SARM1: variants seen among roughly 807,000 people sequenced by gnomAD.
SARM1 encodes NAD(+) hydrolase SARM1.
SARM1 carries 60 observed loss-of-function variants against 65.1 expected under a neutral mutation model. The observed-to-expected ratio is 0.92, with a 90% confidence interval of 0.75 to 1.14. SARM1 has a LOEUF of 1.14. Among genes scored for constraint, SARM1 ranks in the 50% most tolerant of loss-of-function variants. The probability of loss-of-function intolerance (pLI) is 0.00; values close to 1 mark genes in which losing one functional copy is unlikely to be tolerated. For missense variants in SARM1, 913 were observed against 1,015.7 expected (o/e 0.90, Z 1.37); for synonymous variants, 417 against 465.4 (o/e 0.90, Z 1.34).
chr17:28,377,142 C>T (rs1308268523), intron 1 of SARM1, among the ~76,000 whole-genome samples: 2 of 152,170 alleles, frequency 1.3e-5, no homozygotes, highest in African/African-American at 4.8e-5. Context: ...GGCATTTATG[C>T]AGTCAGATGT....
At chr17:28,383,796 G>GGTGTGGGCCAGGAT (rs1443502111) in intron 2 of SARM1, among the ~76,000 whole-genome samples, 1 of 152,214 alleles carries the variant, frequency 6.6e-6, no homozygotes, top group Non-Finnish European at 1.5e-5. Context: ...CCTCATTGGA[G>GGTGTGGGCCAGGAT]GTGTGGGCCA....
intron 1 of SARM1, among the ~76,000 whole-genome samples, chr17:28,376,109 G>T (rs1295235259): frequency 6.6e-6 from 1 of 152,162 alleles, no homozygotes; most frequent in African/African-American, 2.4e-5. Context: ...TATCACAAGA[G>T]TGCAGCACAG....
chr17:28,388,142 A>G, intron 5 of SARM1, 32 bp from the exon 6 acceptor site: 1 of 1,448,478 alleles, frequency 6.9e-7, no homozygotes, highest in Non-Finnish European at 9.5e-7. Flanking sequence ...CGGAGGGGCC[A>G]CCTTCACCAT....
Position 28,400,213 on chromosome 17 carries a change from T to C in SARM1, c.*3927T>C, listed in dbSNP as rs2068179002. 1.9e-5 allele frequency: 5 copies of C among 256,964 alleles called. No homozygotes were observed. In the South Asian group the frequency reaches 2.1e-4, roughly 11 times the overall value. The allele number at this position is 256,964 out of a possible 1,614,324, so 15.9% of individuals were successfully genotyped here. A position where few individuals can be genotyped will look rare whatever the true frequency, so the allele number is the denominator to read the frequency against. On this transcript the variant is annotated 3_prime_UTR_variant, in exon 9 of 9. Transcript: ENST00000585482. Reference sequence around the variant, plus strand: ...CCCGGCCATGAAATATAATTCTTAATATCATACAGGAAAAAGTCAGCGGGT... The same window carrying C: ...CCCGGCCATGAAATATAATTCTTAACATCATACAGGAAAAAGTCAGCGGGT...
At chr17:28,380,057 C>CTTTTTTTTTTTTTTTTTTTTTTCT (rs61029083) in intron 1 of SARM1, among the ~76,000 whole-genome samples, 1 of 106,100 alleles carries the variant, frequency 9.4e-6, no homozygotes, top group Non-Finnish European at 1.8e-5. Context: ...TTTTTCTTTT[C>CTTTTTTTTTTTTTTTTTTTTTTCT]TTTTTTTTTT....
At position 28,403,363 on chromosome 17, in the gene SARM1, G is replaced by A. The variant is rs187454303; in HGVS notation, c.*7077G>A. The A allele has an allele frequency of 2.6e-5, 4 of 152,476 alleles. No homozygotes were observed. Among genetic ancestry groups the A allele is most frequent in the African/African-American group, 9.6e-5 (4 of 41,528 alleles). The allele number at this position is 152,476 out of a possible 1,614,324, so 9.4% of individuals were successfully genotyped here. On this transcript the variant is annotated 3_prime_UTR_variant, in exon 9 of 9. Coordinates refer to ENST00000585482, the MANE Select transcript of SARM1 (RefSeq NM_015077.4). ...TTCCCTTTGCATTCAGTTACTTACAGGCTTCCTGTTTTCTTCATAACCATT... is the reference window on the plus strand; with the variant it reads ...TTCCCTTTGCATTCAGTTACTTACAAGCTTCCTGTTTTCTTCATAACCATT...
rs1400972557 is a variant in SARM1 at position 28,402,042 on chromosome 17, C to T, written c.*5756C>T. 9.5e-6 allele frequency: 5 copies of T among 524,130 alleles called. No individual in the cohort carries two copies. Among genetic ancestry groups the T allele is most frequent in the Middle Eastern group, 5.3e-4 (1 of 1,902 alleles). 32.5% of individuals were successfully genotyped at this position (524,130 alleles called of 1,614,324 possible). A position where few individuals can be genotyped will look rare whatever the true frequency, so the allele number is the denominator to read the frequency against. Reference sequence around the variant, plus strand: ...CTGCTGACTGCAAATCCCAACTCTGCGGTTTGAAAATCCAAGGTGGCATGA... The same window carrying T: ...CTGCTGACTGCAAATCCCAACTCTGTGGTTTGAAAATCCAAGGTGGCATGA... On this transcript the variant is annotated 3_prime_UTR_variant, in exon 9 of 9. Transcript: ENST00000585482.
At chr17:28,393,537 G>C (rs1290379472) in intron 7 of SARM1, among the ~76,000 whole-genome samples, 2 of 151,364 alleles carry the variant, frequency 1.3e-5, no homozygotes, top group Admixed American at 1.3e-4. Context: ...GGCAAAAAGT[G>C]AGATCCTGTT....
Position 28,399,881 on chromosome 17 carries a change from T to A in SARM1, c.*3595T>A. The stretch of plus-strand genomic sequence containing the variant: ...AGCTGGAGGACAATATCCAGGGACA[T>A]GGCTCTGGAAAATAACTTTTTTTTT... On this transcript the variant is annotated 3_prime_UTR_variant, in exon 9 of 9. Coordinates refer to ENST00000585482, the MANE Select transcript of SARM1 (RefSeq NM_015077.4). 1 of 675,566 alleles carries A rather than the reference T, an allele frequency of 1.5e-6. No homozygotes were observed. The allele number at this position is 675,566 out of a possible 1,614,324, so 41.8% of individuals were successfully genotyped here.
At position 28,379,291 on chromosome 17, in the gene SARM1, A is replaced by G. The variant is rs549011320; in HGVS notation, c.471-1912A>G. Reference sequence around the variant, plus strand: ...ACTCTAGGAAAGGGTAATTTTCTCCATTTAGATCTTTTTTTTTTTTTTTTT... The same window carrying G: ...ACTCTAGGAAAGGGTAATTTTCTCCGTTTAGATCTTTTTTTTTTTTTTTTT... On this transcript the variant is annotated intron_variant, in intron 1 of 8. Transcript: ENST00000585482. Among the ~76,000 whole-genome samples the G allele has an allele frequency of 1.4e-4, 18 of 132,222 alleles. No homozygotes were observed. In the East Asian group the frequency reaches 2.5e-3, roughly 18 times the overall value. The allele number at this position is 132,222 out of a possible 152,430, so 86.7% of individuals were successfully genotyped here.
Position 28,384,737 on chromosome 17 carries a change from C to A in SARM1, c.1303-102C>A, listed in dbSNP as rs1459708293. 10 of 1,263,362 alleles carry A rather than the reference C, an allele frequency of 7.9e-6. No individual in the cohort carries two copies. In the East Asian group the frequency reaches 1.8e-4, roughly 22 times the overall value. 78.3% of individuals were successfully genotyped at this position (1,263,362 alleles called of 1,614,324 possible). A position where few individuals can be genotyped will look rare whatever the true frequency, so the allele number is the denominator to read the frequency against. On this transcript the variant is annotated intron_variant, in intron 3 of 8. Transcript: ENST00000585482. This position sits in a 1 kb window ranked among gnomAD's most constrained non-coding sequence, Gnocchi z 4.4. ...CACTCGGCTCTGATCTAGGTCCCAT[C>A]CGCCTCCTCCACGCCATCTCCAGTT... is the stretch of plus-strand genomic sequence containing the variant.
At chr17:28,381,882 A>G (rs1357410508) in intron 2 of SARM1, 61 bp downstream of exon 2, 11 of 1,383,460 alleles carry the variant, frequency 8.0e-6, no homozygotes, top group South Asian at 3.5e-5. Context: ...AAGGTTTCCC[A>G]GAGGAAGTCA....
At chr17:28,388,109 G>T in intron 5 of SARM1, 65 bp from the exon 6 acceptor site, 3 of 1,216,144 alleles carry the variant, frequency 2.5e-6, no homozygotes, top group Non-Finnish European at 3.5e-6. Context: ...CACAAGGGAT[G>T]ATATACCTGA....
At chr17:28,391,950 G>A (rs2068082825) in intron 7 of SARM1, among the ~76,000 whole-genome samples, 1 of 149,362 alleles carries the variant, frequency 6.7e-6, no homozygotes, top group Non-Finnish European at 1.5e-5. Context: ...GAACTCCTGA[G>A]CTCAAGCCTG....
At chr17:28,388,599 T>C in intron 7 of SARM1, 60 bp downstream of exon 7, 1 of 1,523,228 alleles carries the variant, frequency 6.6e-7, no homozygotes. Context: ...GAAGATAGGG[T>C]CGTCTTCTAT....
rs564566352 is a variant in SARM1, at chr17:28,385,189, T to A, written c.1544T>A (p.Leu515Gln). 6.2e-7 allele frequency: 1 copy of A among 1,608,412 alleles called. No homozygotes were observed. The change falls in exon 5 of 9, where the codon CTG (leucine) becomes CAG (glutamine). Residue 515 changes from leucine (L) to glutamine (Q), a missense_variant. Coordinates refer to ENST00000585482, the MANE Select transcript of SARM1 (RefSeq NM_015077.4). This position sits in a 1 kb window ranked among gnomAD's most constrained non-coding sequence, Gnocchi z 4.5. ...LVSCGLDRSL[L>Q]HRVSEQQLLE... Reference sequence around the variant, plus strand: ...AGCTGCGGCCTGGACCGCTCCCTGCTGCACCGCGTGTCTGAGCAGCAGCTG... The same window carrying A: ...AGCTGCGGCCTGGACCGCTCCCTGCAGCACCGCGTGTCTGAGCAGCAGCTG...
chr17:28,383,293 G>A (rs2068033262), intron 2 of SARM1, among the ~76,000 whole-genome samples: 2 of 152,178 alleles, frequency 1.3e-5, no homozygotes, highest in South Asian at 4.1e-4. Context: ...AGAATCACAG[G>A]AACCTGGGAG....
Position 28,399,390 on chromosome 17 carries a change from G to C in SARM1, c.*3104G>C. 2.0e-6 allele frequency: 1 copy of C among 495,350 alleles called. No homozygotes were observed. Among genetic ancestry groups the C allele is most frequent in the South Asian group, 2.5e-5 (1 of 39,354 alleles). The allele number at this position is 495,350 out of a possible 1,614,324, so 30.7% of individuals were successfully genotyped here. On this transcript the variant is annotated 3_prime_UTR_variant, in exon 9 of 9. Transcript: ENST00000585482. ...TTATAAGTGATGGATAGCAGAAAGGGAGAACTGACTCCTGTCCCAAATAGC... is the reference window on the plus strand; with the variant it reads ...TTATAAGTGATGGATAGCAGAAAGGCAGAACTGACTCCTGTCCCAAATAGC...
chr17:28,388,041 G>A (rs2068061023), intron 5 of SARM1, 133 bp from the exon 6 acceptor site: 1 of 694,298 alleles, frequency 1.4e-6, no homozygotes, highest in Admixed American at 2.4e-5. Context: ...CTCCTTTTTG[G>A]GGCAGGCCAC....
Sources: gnomAD v4.1 joint callset for allele counts (sites outside exome capture counted in the v4.1 genomes callset) on GRCh38, gnomAD v4.1.1 for gene constraint, Gnocchi (gnomAD v3.1) non-coding constraint, MANE v1.5 for transcripts, NCBI Gene and HGNC (gene_info 2026-07-23, HGNC 2026-07-21) for gene names.